The following EPHA4 variants were observed in gnomAD, a reference collection of about 807,000 sequenced individuals.
The protein encoded by EPHA4 is EPH receptor A4, also known as ephrin type-A receptor 4.
Under a neutral mutation model 108.3 loss-of-function variants are expected in EPHA4, and 19 were observed. The ratio of observed to expected loss-of-function variants is 0.18; its 90% CI spans 0.12 to 0.26. EPHA4 has a LOEUF of 0.26. Among genes scored for constraint, EPHA4 ranks in the 10% least tolerant of loss-of-function variants. The pLI is 1.00. For missense variants in EPHA4, 917 were observed against 1,254.0 expected (o/e 0.73, Z 4.06); for synonymous variants, 449 against 455.5 (o/e 0.99, Z 0.18).
chr2:221,482,194 A>C (rs1691840182), intron 5 of EPHA4, among the ~76,000 whole-genome samples, 158 bp downstream of exon 5: 1 of 152,190 alleles, frequency 6.6e-6, no homozygotes, highest in Non-Finnish European at 1.5e-5. Flanking sequence ...TACACGTGTA[A>C]GCCACCGTGC....
At chr2:221,475,243 A>G (rs1046831511) in intron 5 of EPHA4, among the ~76,000 whole-genome samples, 1 of 152,202 alleles carries the variant, frequency 6.6e-6, no homozygotes, top group Non-Finnish European at 1.5e-5. Flanking sequence ...AAGAATGCAT[A>G]CTTTAAAGAG....
At chr2:221,516,075 G>A (rs1692980242) in intron 3 of EPHA4, among the ~76,000 whole-genome samples, 1 of 152,006 alleles carries the variant, frequency 6.6e-6, no homozygotes, top group African/African-American at 2.4e-5. Flanking sequence ...TTTCCTCAAG[G>A]CTGTGTTAAG....
intron 4 of EPHA4, among the ~76,000 whole-genome samples, chr2:221,483,173 G>A (rs1022647926): frequency 2.0e-5 from 3 of 152,206 alleles, no homozygotes; most frequent in African/African-American, 7.2e-5. Flanking sequence ...GTAGAAATGT[G>A]CCTCTGCAGT....
chr2:221,552,434 C>G (rs962712113), intron 3 of EPHA4, among the ~76,000 whole-genome samples: 1 of 152,160 alleles, frequency 6.6e-6, no homozygotes, highest in Non-Finnish European at 1.5e-5. Context: ...TCAATGTTCC[C>G]CACTTGGGCT....
At chr2:221,513,334 G>T (rs1692887065) in intron 3 of EPHA4, among the ~76,000 whole-genome samples, 2 of 152,126 alleles carry the variant, frequency 1.3e-5, no homozygotes, top group Admixed American at 1.3e-4. Flanking sequence ...CTGAAGCCAG[G>T]GCCAGACCAA....
chr2:221,496,064 A>G (rs1267181846), intron 4 of EPHA4, among the ~76,000 whole-genome samples: 1 of 152,026 alleles, frequency 6.6e-6, no homozygotes, highest in Non-Finnish European at 1.5e-5. Context: ...GTTTGAAAGG[A>G]CCCCTGATGT....
chr2:221,435,797 G>A (rs533983093), intron 13 of EPHA4, among the ~76,000 whole-genome samples: 50 of 152,038 alleles, frequency 3.3e-4, no homozygotes, highest in Non-Finnish European at 5.4e-4. Context: ...AACCTTGCAT[G>A]GTATAAATGT....
intron 3 of EPHA4, among the ~76,000 whole-genome samples, chr2:221,504,140 C>T (rs1692561260): frequency 6.6e-6 from 1 of 152,170 alleles, no homozygotes; most frequent in East Asian, 1.9e-4. Context: ...ATACTAATGA[C>T]TTTGTGAGCA....
rs1692478854 is a variant in EPHA4, at chr2:221,501,159, T to G, written c.837A>C (p.Gly279=). 3 of 1,600,330 alleles carry G rather than the reference T, an allele frequency of 1.9e-6. No individual in the cohort carries two copies. Among genetic ancestry groups the G allele is most frequent in the Non-Finnish European group, 2.6e-6 (3 of 1,174,572 alleles). The part of the protein sequence containing the change: ...RSGECQACKI[G]YYKALSTDAT... ...CATCCGTGGAGAGAGCCTTGTAATATCCAATTTTGCAAGCTGCAGGGAAGA... is the reference window on the plus strand; with the variant it reads ...CATCCGTGGAGAGAGCCTTGTAATAGCCAATTTTGCAAGCTGCAGGGAAGA... The change falls in exon 4 of 18, where the codon GGA becomes GGC. Residue 279 remains glycine, a synonymous_variant. Coordinates refer to ENST00000281821, the MANE Select transcript of EPHA4 (RefSeq NM_004438.5).
chr2:221,565,410 A>G (rs1278728343), intron 2 of EPHA4, among the ~76,000 whole-genome samples: 1 of 152,208 alleles, frequency 6.6e-6, no homozygotes, highest in African/African-American at 2.4e-5. Context: ...CTTCATTAAC[A>G]TCTACAGTAA....
intron 3 of EPHA4, among the ~76,000 whole-genome samples, chr2:221,536,718 T>C (rs1379154050): frequency 6.6e-6 from 1 of 152,204 alleles, no homozygotes; most frequent in Admixed American, 6.5e-5. Flanking sequence ...ACAACAAAGA[T>C]GTGCTGAAAA....
intron 11 of EPHA4, 122 bp downstream of exon 11, chr2:221,442,707 C>T: frequency 9.7e-7 from 1 of 1,029,560 alleles, no homozygotes. Context: ...TTGTCCTGCA[C>T]TGATTTCCTC....
intron 14 of EPHA4, among the ~76,000 whole-genome samples, chr2:221,431,661 T>C (rs1361519977): frequency 1.3e-5 from 2 of 152,190 alleles, no homozygotes; most frequent in East Asian, 3.8e-4. Context: ...ACTCTAGACT[T>C]GATGAGAACA....
chr2:221,507,243 A>G lies in EPHA4; in HGVS notation c.824-6071T>C, dbSNP rs10211481. ...CTCCCCAAGTTTTGAATGACAAAGC[A>G]TAATAAAGTGCATGTTCTTGTCATC... On this transcript the variant is annotated intron_variant, in intron 3 of 17. Transcript: ENST00000281821. Among the ~76,000 whole-genome samples the G allele has an allele frequency of 8.2e-3, 1,244 of 152,318 alleles. 18 individuals are homozygous for G. Among genetic ancestry groups the G allele is most frequent in the African/African-American group, 0.028 (1,178 of 41,556 alleles).
chr2:221,455,519 C>A, intron 8 of EPHA4, 28 bp downstream of exon 8: 1 of 1,521,940 alleles, frequency 6.6e-7, no homozygotes, highest in Non-Finnish European at 9.1e-7. Context: ...AGGTCGGGGG[C>A]TGCACAGTGA....
intron 2 of EPHA4, among the ~76,000 whole-genome samples, chr2:221,564,887 CAAAAAAAAAAAA>C (rs1233305564): frequency 5.5e-5 from 4 of 73,066 alleles, no homozygotes; most frequent in Non-Finnish European, 1.2e-4. Flanking sequence ...TCTAATACCT[CAAAAAAAAAAAA>C]AAAAAAAAAA....
At chr2:221,557,407 C>A (rs59244123) in intron 3 of EPHA4, among the ~76,000 whole-genome samples, 15,075 of 152,162 alleles carry the variant, frequency 0.099, 1,115 homozygotes, top group East Asian at 0.37. Context: ...ATAAGAGTAA[C>A]AATTTTCACT....
chr2:221,476,794 T>C (rs1352309164), intron 5 of EPHA4, among the ~76,000 whole-genome samples: 2 of 152,174 alleles, frequency 1.3e-5, no homozygotes, highest in Non-Finnish European at 2.9e-5. Context: ...ATAATATGTC[T>C]AATTAAAAGA....
At position 221,486,391 on chromosome 2, in the gene EPHA4, C is replaced by T. The variant is rs77450037; in HGVS notation, c.980-3701G>A. ...ATATAATGGTGTCTTGCTACTTAGA[C>T]ACCATTCCATGTCTGTTTCTATCAC... On this transcript the variant is annotated intron_variant, in intron 4 of 17. Transcript: ENST00000281821. 4.8e-3 allele frequency among the ~76,000 whole-genome samples: 730 copies of T among 152,198 alleles called. 1 individual carries two copies. Among genetic ancestry groups the T allele is most frequent in the African/African-American group, 0.016 (684 of 41,534 alleles).
Sources: allele counts gnomAD v4.1 joint callset (sites outside exome capture counted in the v4.1 genomes callset), GRCh38; gene constraint gnomAD v4.1.1; transcripts MANE v1.5; gene names NCBI Gene and HGNC (gene_info 2026-07-23, HGNC 2026-07-21).